The following DNAH8 variants were observed in gnomAD, a reference collection of about 807,000 sequenced individuals.
DNAH8 encodes axonemal beta dynein heavy chain 8.
In DNAH8, 382 loss-of-function variants were observed where a neutral mutation model predicts 562.1. The observed-to-expected ratio is 0.68, with a 90% confidence interval of 0.63 to 0.74. The LOEUF (loss-of-function observed/expected upper bound fraction) is 0.74, where lower values mean the gene tolerates loss of function less well. Ranked by LOEUF, DNAH8 falls within the 30% of genes least tolerant of loss-of-function variation. The pLI is 0.00. For synonymous variants in DNAH8, 1,881 were observed against 1,919.4 expected (o/e 0.98, Z 0.52); for missense variants, 5,203 against 5,620.4 (o/e 0.93, Z 2.37).
intron 87 of DNAH8, among the ~76,000 whole-genome samples, chr6:38,986,117 C>T (rs1764379997): frequency 1.3e-5 from 2 of 152,198 alleles, no homozygotes; most frequent in South Asian, 4.1e-4. Context: ...AATCCTGCTC[C>T]TGAGTATATG....
At chr6:38,838,759 T>G (rs1032194772) in intron 33 of DNAH8, among the ~76,000 whole-genome samples, 1 of 152,188 alleles carries the variant, frequency 6.6e-6, no homozygotes, top group Non-Finnish European at 1.5e-5. Context: ...AGACATAGAA[T>G]TTATTGAGAT....
At chr6:38,769,383 G>A (rs72849155) in intron 11 of DNAH8, among the ~76,000 whole-genome samples, 18,644 of 152,128 alleles carry the variant, frequency 0.12, 1,395 homozygotes, top group Admixed American at 0.22. Context: ...TCCCAAGCCA[G>A]CTCATTTTTG....
At chr6:39,010,791 G>A (rs1029957092) in intron 89 of DNAH8, among the ~76,000 whole-genome samples, 4 of 127,670 alleles carry the variant, frequency 3.1e-5, no homozygotes, top group East Asian at 2.3e-4. Context: ...ACACACACAC[G>A]CACGTGTACG....
rs1288457242 is a variant in DNAH8 at position 38,863,999 on chromosome 6, T to C, written c.6437T>C (p.Phe2146Ser). The change falls in exon 45 of 93, where the codon TTC (phenylalanine) becomes TCC (serine). Residue 2146 changes from phenylalanine to serine, a missense_variant. This residue lies in a region of DNAH8 where 2,176 missense variants were observed against 2,365.1 expected (regional missense o/e 0.92). Transcript: ENST00000327475. Reference sequence around the variant, plus strand: ...GCAAGAAAAGAAAGAAAGAAACAGTTCATTTTTTCTGATGGTGATTGTGTT... The same window carrying C: ...GCAAGAAAAGAAAGAAAGAAACAGTCCATTTTTTCTGATGGTGATTGTGTT... ...LTARKERKKQFIFSDGDCVDL... is the reference protein window; with the variant it reads ...LTARKERKKQSIFSDGDCVDL... 6.2e-7 allele frequency: 1 copy of C among 1,611,122 alleles called. No homozygotes were observed. Among genetic ancestry groups the C allele is most frequent in the South Asian group, 1.1e-5 (1 of 89,698 alleles).
chr6:38,740,422 T>A (rs186678997), intron 7 of DNAH8, among the ~76,000 whole-genome samples: 76 of 152,358 alleles, frequency 5.0e-4, no homozygotes, highest in African/African-American at 1.6e-3. Context: ...TATCTTTCAT[T>A]AGATTAATTT....
At chr6:38,923,782 T>C (rs1226440926) in intron 72 of DNAH8, among the ~76,000 whole-genome samples, 1 of 152,116 alleles carries the variant, frequency 6.6e-6, no homozygotes, top group Non-Finnish European at 1.5e-5. Flanking sequence ...CCTTCTTTCT[T>C]GCTTCCTGAC....
chr6:38,796,645 C>G (rs547261369), intron 21 of DNAH8, among the ~76,000 whole-genome samples: 7 of 152,282 alleles, frequency 4.6e-5, no homozygotes, highest in African/African-American at 1.7e-4. Context: ...AATCCCTGTC[C>G]TGTTCTGTTT....
chr6:38,738,468 G>A (rs2127582484), intron 7 of DNAH8, among the ~76,000 whole-genome samples: 2 of 152,278 alleles, frequency 1.3e-5, no homozygotes, highest in South Asian at 2.1e-4. Context: ...GGAAAGTAGT[G>A]ATAGGAATAC....
At chr6:38,848,552 C>A (rs1775479955) in intron 36 of DNAH8, 96 bp from the exon 37 acceptor site, 2 of 998,808 alleles carry the variant, frequency 2.0e-6, no homozygotes, top group Non-Finnish European at 1.5e-6. Context: ...AACATTCATT[C>A]CCAAAGTAAT....
intron 7 of DNAH8, 109 bp from the exon 8 acceptor site, chr6:38,741,602 T>TTGG: frequency 1.2e-6 from 1 of 862,454 alleles, no homozygotes; most frequent in Non-Finnish European, 1.7e-6. Flanking sequence ...TAAACATTAT[T>TTGG]TGGTATTGAA....
At chr6:39,019,740 G>A (rs181044338) in intron 91 of DNAH8, among the ~76,000 whole-genome samples, 257 of 152,340 alleles carry the variant, frequency 1.7e-3, no homozygotes, top group African/African-American at 5.7e-3. Flanking sequence ...GGTCTGAGAG[G>A]TCAGATGCTG....
At chr6:38,866,910 A>G in intron 47 of DNAH8, 34 bp downstream of exon 47, 1 of 1,353,464 alleles carries the variant, frequency 7.4e-7, no homozygotes, top group Non-Finnish European at 1.0e-6. Flanking sequence ...TCCTAGCAAT[A>G]GTATTTGGTT....
intron 70 of DNAH8, among the ~76,000 whole-genome samples, chr6:38,919,918 G>T (rs929330981): frequency 2.0e-5 from 3 of 151,934 alleles, no homozygotes; most frequent in Non-Finnish European, 4.4e-5. Flanking sequence ...AAGGAAATCG[G>T]AATAGAGCCA....
rs1776545923 is a variant in DNAH8, at chr6:38,860,610, A to G, written c.6112A>G (p.Ile2038Val). The change falls in exon 43 of 93, where the codon ATC becomes GTC. Residue 2038 changes from isoleucine (I) to valine (V), a missense_variant. Physicochemically the swap from Ile to Val is conservative, Grantham distance 29. Transcript: ENST00000327475. ...TCTGGGATGTACTGATCGTCTTGTT[A>G]TCACTCCATTAACAGATAGGTAGGA... ...EFLGCTDRLV[I>V]TPLTDRCYIT... 4 of 1,545,338 alleles carry G rather than the reference A, an allele frequency of 2.6e-6. No individual in the cohort carries two copies. The highest frequency in any genetic ancestry group is 2.6e-5 in the South Asian group (2 of 75,870).
chr6:38,985,978 T>G (rs994811583), intron 87 of DNAH8, among the ~76,000 whole-genome samples: 2 of 152,146 alleles, frequency 1.3e-5, no homozygotes, highest in African/African-American at 4.8e-5. Context: ...TACAAAAACC[T>G]AAGACTCCTA....
chr6:38,964,968 G>A (rs1762876016), intron 82 of DNAH8, among the ~76,000 whole-genome samples: 1 of 152,078 alleles, frequency 6.6e-6, no homozygotes, highest in African/African-American at 2.4e-5. Flanking sequence ...GGAAGCTGAG[G>A]CATGAGAATC....
intron 91 of DNAH8, 41 bp from the exon 92 acceptor site, chr6:39,026,505 A>T: frequency 6.4e-7 from 1 of 1,574,336 alleles, no homozygotes; most frequent in Non-Finnish European, 8.6e-7. Flanking sequence ...TTTAAAGCAG[A>T]TTGCAACAAG....
intron 76 of DNAH8, among the ~76,000 whole-genome samples, chr6:38,935,133 A>G (rs1376234427): frequency 6.6e-6 from 1 of 152,250 alleles, no homozygotes; most frequent in South Asian, 2.1e-4. Context: ...TGGTGCTCCC[A>G]TAGGAACCAG....
chr6:39,024,395 G>C (rs1767136059), intron 91 of DNAH8, among the ~76,000 whole-genome samples: 1 of 152,196 alleles, frequency 6.6e-6, no homozygotes, highest in Admixed American at 6.5e-5. Context: ...GATGCACGCT[G>C]AATGTTGAAT....
Sources: gnomAD v4.1 joint callset for allele counts (sites outside exome capture counted in the v4.1 genomes callset) on GRCh38, gnomAD v4.1.1 for gene constraint, gnomAD v4.1.1 regional missense constraint, MANE v1.5 for transcripts, NCBI Gene and HGNC (gene_info 2026-07-23, HGNC 2026-07-21) for gene names.